GLYR1: variants seen among roughly 807,000 people sequenced by gnomAD.
The protein encoded by GLYR1 is glyoxylate reductase 1 homolog.
In GLYR1, 21 loss-of-function variants were observed where a neutral mutation model predicts 72.7. That is an observed-to-expected ratio of 0.29 (90% CI 0.20 to 0.42). The LOEUF is 0.42. Ranked by LOEUF, GLYR1 falls within the 10% of genes least tolerant of loss-of-function variation. The probability of loss-of-function intolerance (pLI) is 1.00; values close to 1 mark genes in which losing one functional copy is unlikely to be tolerated. For missense variants in GLYR1, 594 were observed against 712.1 expected (o/e 0.83, Z 1.89); for synonymous variants, 392 against 270.2 (o/e 1.45, Z -4.42).
intron 3 of GLYR1, among the ~76,000 whole-genome samples, chr16:4,837,497 C>G (rs910689208): frequency 6.6e-6 from 1 of 151,898 alleles, no homozygotes; most frequent in Non-Finnish European, 1.5e-5. Flanking sequence ...TATGACTAAT[C>G]TTGAACGCTG....
Position 4,804,364 on chromosome 16 carries a change from TC to T in GLYR1, c.*871del, listed in dbSNP as rs1346427935. ...AGAAAGGAGCGCCCCCAACCCCCAC[TC>T]CTCTTGGCTCATCACTAGTGGCCCT... On this transcript the variant is annotated 3_prime_UTR_variant, in exon 16 of 16. Coordinates refer to ENST00000321919, the MANE Select transcript of GLYR1 (RefSeq NM_032569.4). 6.5e-6 allele frequency: 1 copy of T among 152,880 alleles called. No homozygotes were observed. Among genetic ancestry groups the T allele is most frequent in the Non-Finnish European group, 1.5e-5 (1 of 68,322 alleles). 9.5% of individuals were successfully genotyped at this position (152,880 alleles called of 1,614,324 possible). A position where few individuals can be genotyped will look rare whatever the true frequency, so the allele number is the denominator to read the frequency against.
intron 3 of GLYR1, among the ~76,000 whole-genome samples, chr16:4,842,879 T>C (rs2085667816): frequency 1.3e-5 from 2 of 151,056 alleles, no homozygotes; most frequent in Non-Finnish European, 1.5e-5. Context: ...TTTGTATTTT[T>C]AGTAGAGACA....
Position 4,811,259 on chromosome 16 carries a change from G to A in GLYR1, c.1498C>T (p.Leu500=), listed in dbSNP as rs183997882. The A allele has an allele frequency of 2.5e-5, 40 of 1,614,040 alleles. No individual in the cohort carries two copies. In the Admixed American group the frequency reaches 2.7e-4, roughly 11 times the overall value. The stretch of plus-strand genomic sequence containing the variant: ...CGGAGATCCTTCTGAATGTATTTCA[G>A]GTAGAAATCAGGCTTAAAGTTTCCT... ...LQGNFKPDFY[L]KYIQKDLRLA... The change falls in exon 15 of 16, where the codon CTG becomes TTG. Residue 500 remains leucine (L), a synonymous_variant. Coordinates refer to ENST00000321919, the MANE Select transcript of GLYR1 (RefSeq NM_032569.4).
intron 3 of GLYR1, among the ~76,000 whole-genome samples, chr16:4,834,390 CCTAGGTT>C (rs2084997164): frequency 6.6e-6 from 1 of 150,760 alleles, no homozygotes; most frequent in African/African-American, 2.4e-5. Context: ...AACCTCGCCT[CCTAGGTT>C]CAAGTGATTC....
chr16:4,832,821 C>T lies in GLYR1; in HGVS notation c.247G>A (p.Val83Ile). 2 of 1,613,734 alleles carry T rather than the reference C, an allele frequency of 1.2e-6. No homozygotes were observed. The highest frequency in any genetic ancestry group is 1.7e-6 in the Non-Finnish European group (2 of 1,179,856). Residue 83 changes from valine (V) to isoleucine (I), a missense_variant, in exon 4 of 16, where the codon GTA (valine) becomes ATA (isoleucine). Val to Ile is a conservative substitution (Grantham distance 29). Around this residue, in one of 5 missense-constraint regions of GLYR1, gnomAD observed 4 missense variants for 21.9 expected, o/e 0.18. Coordinates refer to ENST00000321919, the MANE Select transcript of GLYR1 (RefSeq NM_032569.4). Reference protein sequence around the residue: ...INKGKRFQQAVDAVEEFLRRA... With the variant: ...INKGKRFQQAIDAVEEFLRRA... ...CTGAGGAACTCTTCGACAGCATCTA[C>T]CGCTTGCTGGAATCGTTTACCCTTG...
chr16:4,844,146 A>C (rs946079907), intron 3 of GLYR1, among the ~76,000 whole-genome samples: 1 of 151,522 alleles, frequency 6.6e-6, no homozygotes, highest in African/African-American at 2.4e-5. Flanking sequence ...CAAACCATCT[A>C]GCTAGACCCA....
Position 4,812,230 on chromosome 16 carries a change from C to A in GLYR1, c.1138G>T (p.Gly380Trp). The stretch of plus-strand genomic sequence containing the variant: ...GAGACGGGGGCTTCCAGAAAGCGCC[C>A]CCCCCTGGACACAATCACCTGGAAA... Reference protein sequence around the residue: ...ELAQVIVSRGGRFLEAPVSGN... With the variant: ...ELAQVIVSRGWRFLEAPVSGN... Residue 380 changes from glycine to tryptophan, a missense_variant, in exon 13 of 16, where the codon GGG (glycine) becomes TGG (tryptophan). Gly to Trp is a radical substitution (Grantham distance 184). Transcript: ENST00000321919. 3 of 1,613,160 alleles carry A rather than the reference C, an allele frequency of 1.9e-6. No individual in the cohort carries two copies. Among genetic ancestry groups the A allele is most frequent in the Non-Finnish European group, 2.5e-6 (3 of 1,179,826 alleles).
intron 15 of GLYR1, among the ~76,000 whole-genome samples, chr16:4,809,163 G>A (rs1447622644): frequency 6.8e-6 from 1 of 146,130 alleles, no homozygotes; most frequent in South Asian, 2.2e-4. Flanking sequence ...AAAACAATAA[G>A]CCTGAGAAGG....
At chr16:4,828,443 A>G (rs1277579740) in intron 5 of GLYR1, among the ~76,000 whole-genome samples, 7 of 152,116 alleles carry the variant, frequency 4.6e-5, no homozygotes, top group Non-Finnish European at 1.5e-5. Flanking sequence ...TAACTTTAAC[A>G]TGCAATGGGA....
At chr16:4,818,225 C>T (rs890505318) in intron 9 of GLYR1, among the ~76,000 whole-genome samples, 5 of 152,118 alleles carry the variant, frequency 3.3e-5, no homozygotes, top group African/African-American at 1.2e-4. Flanking sequence ...AAACTCCTGA[C>T]CTCGTGATCT....
intron 12 of GLYR1, 36 bp from the exon 13 acceptor site, chr16:4,812,284 C>T: frequency 1.3e-6 from 2 of 1,595,606 alleles, no homozygotes; most frequent in Middle Eastern, 1.7e-4. Flanking sequence ...GAGGCCTCCC[C>T]TCTCCCAGCG....
intron 3 of GLYR1, among the ~76,000 whole-genome samples, chr16:4,840,877 A>C (rs1394289553): frequency 6.6e-6 from 1 of 152,182 alleles, no homozygotes; most frequent in Non-Finnish European, 1.5e-5. Flanking sequence ...TTCATAGAAA[A>C]ACACAAAATA....
chr16:4,841,625 C>CA lies in GLYR1; in HGVS notation c.155+3448dup, dbSNP rs199587991. 8.0e-3 allele frequency among the ~76,000 whole-genome samples: 1,195 copies of CA among 148,648 alleles called. 7 individuals carry two copies. Among genetic ancestry groups the CA allele is most frequent in the African/African-American group, 9.7e-3 (388 of 40,124 alleles). ...GTGATACTGCACTCCAACCCTTTCT[C>CA]AAAAAAAAATCAAGAAACCAAACAA... is the stretch of plus-strand genomic sequence containing the variant. On this transcript the variant is annotated intron_variant, in intron 3 of 15. Coordinates refer to ENST00000321919, the MANE Select transcript of GLYR1 (RefSeq NM_032569.4).
chr16:4,833,511 A>G (rs184071271), intron 3 of GLYR1, among the ~76,000 whole-genome samples: 13 of 152,282 alleles, frequency 8.5e-5, no homozygotes, highest in African/African-American at 2.4e-4. Flanking sequence ...CACTGAGCCT[A>G]TATTTGTTCA....
chr16:4,809,910 CAA>C (rs981747705), intron 15 of GLYR1, among the ~76,000 whole-genome samples: 20 of 150,476 alleles, frequency 1.3e-4, no homozygotes, highest in African/African-American at 4.6e-4. Context: ...GGCGAAAGAG[CAA>C]AACTCTGTCT....
At chr16:4,821,645 C>G in intron 7 of GLYR1, 48 bp from the exon 8 acceptor site, 1 of 1,550,050 alleles carries the variant, frequency 6.5e-7, no homozygotes, top group Non-Finnish European at 8.9e-7. Flanking sequence ...GCAGGCTTAA[C>G]CAGTCTTCAT....
chr16:4,810,380 C>T (rs1343782757), intron 15 of GLYR1, among the ~76,000 whole-genome samples: 1 of 151,568 alleles, frequency 6.6e-6, no homozygotes, highest in African/African-American at 2.4e-5. Flanking sequence ...GCCTGTAATC[C>T]CAGGCTACTT....
intron 3 of GLYR1, among the ~76,000 whole-genome samples, chr16:4,838,154 G>A (rs956265455): frequency 6.6e-6 from 1 of 151,982 alleles, no homozygotes; most frequent in African/African-American, 2.4e-5. Flanking sequence ...CAGAAATAAA[G>A]GCACCAGAAA....
Position 4,811,656 on chromosome 16 carries a change from A to T in GLYR1, c.1429T>A (p.Leu477Met). The T allele has an allele frequency of 6.2e-7, 1 of 1,614,152 alleles. No individual in the cohort carries two copies. Among genetic ancestry groups the T allele is most frequent in the South Asian group, 1.1e-5 (1 of 91,082 alleles). The stretch of plus-strand genomic sequence containing the variant: ...TTCTGGTCCAGGAAGATGCTGGCCA[A>T]CTGTCCCTGATTGAGGATGTCCAAG... ...TLLDILNQGQ[L>M]ASIFLDQKCQ... The change falls in exon 14 of 16, where the codon TTG (leucine) becomes ATG (methionine). Residue 477 changes from leucine (L) to methionine (M), a missense_variant. Physicochemically the swap from Leu to Met is conservative, Grantham distance 15. This residue lies in a region of GLYR1 where 266 missense variants were observed against 358.4 expected (regional missense o/e 0.74). Transcript: ENST00000321919.
Sources: allele counts gnomAD v4.1 joint callset (sites outside exome capture counted in the v4.1 genomes callset), GRCh38; gene constraint gnomAD v4.1.1; regional missense constraint gnomAD v4.1.1; transcripts MANE v1.5; gene names NCBI Gene and HGNC (gene_info 2026-07-23, HGNC 2026-07-21).